ESCO1: variants seen among roughly 807,000 people sequenced by gnomAD.
ESCO1 encodes establishment of sister chromatid cohesion N-acetyltransferase 1, also known as N-acetyltransferase ESCO1.
In ESCO1, 33 loss-of-function variants were observed where a neutral mutation model predicts 83.5. The observed-to-expected ratio is 0.40, with a 90% CI of 0.30 to 0.53. The LOEUF is 0.53. ESCO1 is among the 20% of genes least tolerant of loss of function. ESCO1 has a pLI of 0.63. For synonymous variants in ESCO1, 332 were observed against 324.3 expected (o/e 1.02, Z -0.25); for missense variants, 855 against 968.0 (o/e 0.88, Z 1.55).
chr18:21,580,189 G>A lies in ESCO1; in HGVS notation c.-694+4121C>T, dbSNP rs190254483. 2.5e-4 allele frequency among the ~76,000 whole-genome samples: 38 copies of A among 152,036 alleles called. 1 individual carries two copies. The East Asian group carries it at 4.5e-3, about 18-fold the overall frequency. On this transcript the variant is annotated intron_variant, in intron 2 of 11. Coordinates refer to ENST00000269214, the MANE Select transcript of ESCO1 (RefSeq NM_052911.3). ...GCTGGGATTACAGGCATGAATCACC[G>A]CGCCCAGCCCCCAAAAATTTTTTTT...
At chr18:21,540,554 G>T in intron 8 of ESCO1, 1 of 1,301,964 alleles carries the variant, frequency 7.7e-7, no homozygotes, top group Non-Finnish European at 1.0e-6. Context: ...CCACAAGAAG[G>T]AGACTATAAA....
intron 5 of ESCO1, among the ~76,000 whole-genome samples, chr18:21,566,679 AG>A (rs1346145062): frequency 6.6e-6 from 1 of 151,978 alleles, no homozygotes; most frequent in African/African-American, 2.4e-5. Flanking sequence ...TGGCCAACAT[AG>A]GGAAACCCTG....
intron 2 of ESCO1, among the ~76,000 whole-genome samples, chr18:21,577,413 A>C (rs2038434334): frequency 6.7e-6 from 1 of 148,550 alleles, no homozygotes; most frequent in Non-Finnish European, 1.5e-5. Flanking sequence ...TAATCCCAGC[A>C]CTTTGGGAGG....
chr18:21,540,499 G>A, intron 8 of ESCO1: 2 of 1,109,470 alleles, frequency 1.8e-6, no homozygotes, highest in African/African-American at 1.7e-5. Flanking sequence ...CAGTAGCCCA[G>A]TATGAAAGGA....
chr18:21,549,084 G>A (rs756192972), intron 8 of ESCO1, among the ~76,000 whole-genome samples: 1 of 152,046 alleles, frequency 6.6e-6, no homozygotes, highest in Non-Finnish European at 1.5e-5. Context: ...CATAAGATAG[G>A]GTCCTAGAAG....
chr18:21,581,317 T>C (rs2038499283), intron 2 of ESCO1, among the ~76,000 whole-genome samples: 1 of 149,834 alleles, frequency 6.7e-6, no homozygotes, highest in Non-Finnish European at 1.5e-5. Flanking sequence ...CGAGAATCCA[T>C]CTCAAAAGAA....
intron 7 of ESCO1, among the ~76,000 whole-genome samples, chr18:21,562,987 T>C (rs1268006701): frequency 6.6e-6 from 1 of 151,760 alleles, no homozygotes; most frequent in African/African-American, 2.4e-5. Flanking sequence ...TTCTCCTGTT[T>C]TAGCCTCCCG....
At chr18:21,552,971 T>C (rs2038063528) in intron 8 of ESCO1, among the ~76,000 whole-genome samples, 1 of 152,166 alleles carries the variant, frequency 6.6e-6, no homozygotes, top group Admixed American at 6.5e-5. Context: ...TGGACTTCAT[T>C]AAAATTTAAA....
In ESCO1 at chr18:21,580,300, C is replaced by G. The variant is rs140129380; in HGVS notation, c.-694+4010G>C. Reference sequence around the variant, plus strand: ...ATCATAAGGATAAAAAGATGACTCTCAAACTTCTAGAGGGGGGAAAAATCC... The same window carrying G: ...ATCATAAGGATAAAAAGATGACTCTGAAACTTCTAGAGGGGGGAAAAATCC... On this transcript the variant is annotated intron_variant, in intron 2 of 11. Transcript: ENST00000269214. Among the ~76,000 whole-genome samples, 1,416 of 152,164 alleles carry G rather than the reference C, an allele frequency of 9.3e-3. 16 individuals are homozygous for G. Among genetic ancestry groups the G allele is most frequent in the African/African-American group, 0.031 (1,292 of 41,512 alleles).
At chr18:21,554,455 C>T (rs773136889) in intron 8 of ESCO1, among the ~76,000 whole-genome samples, 8 of 152,080 alleles carry the variant, frequency 5.3e-5, no homozygotes, top group Non-Finnish European at 1.0e-4. Context: ...TAAAAAGAAA[C>T]GGGCTTTCAA....
intron 5 of ESCO1, among the ~76,000 whole-genome samples, chr18:21,567,502 G>A (rs1478803176): frequency 6.6e-6 from 1 of 151,832 alleles, no homozygotes; most frequent in Non-Finnish European, 1.5e-5. Flanking sequence ...AGTTCACAAG[G>A]TTCCAAAACT....
Position 21,566,151 on chromosome 18 carries a change from A to G in ESCO1, c.1701T>C (p.Asp567=), listed in dbSNP as rs760134354. ...AAATTTAATTAATAGCTTACCTGTT[A>G]TCACTGCTTTTAGATGTCTGGTTAC... ...ILSNQTSKSS[D]NRETPRNHSL... Residue 567 remains aspartate, a synonymous_variant, in exon 6 of 12, where the codon GAT becomes GAC. Transcript: ENST00000269214. 28 of 1,612,548 alleles carry G rather than the reference A, an allele frequency of 1.7e-5. No homozygotes were observed. The East Asian group carries it at 5.8e-4, about 33-fold the overall frequency.
chr18:21,545,655 G>A (rs1425657035), intron 8 of ESCO1, among the ~76,000 whole-genome samples: 3 of 151,924 alleles, frequency 2.0e-5, no homozygotes, highest in Non-Finnish European at 2.9e-5. Context: ...GAGGCCGGGC[G>A]CAGTGGCTCA....
In ESCO1 at chr18:21,541,172, T is replaced by C. The variant is rs2037900706; in HGVS notation, c.1954-1163A>G. ...CATAATAGAGTACCCAAGTTAAAATTCAGATGATTAAAATTATGATTGGTA... is the reference window on the plus strand; with the variant it reads ...CATAATAGAGTACCCAAGTTAAAATCCAGATGATTAAAATTATGATTGGTA... On this transcript the variant is annotated intron_variant, in intron 8 of 11. Transcript: ENST00000269214. 2.6e-5 allele frequency among the ~76,000 whole-genome samples: 4 copies of C among 152,240 alleles called. No homozygotes were observed. The South Asian group carries it at 8.3e-4, about 32-fold the overall frequency.
Position 21,574,813 on chromosome 18 carries a change from T to C in ESCO1, c.31A>G (p.Asn11Asp), listed in dbSNP as rs371259126. The C allele has an allele frequency of 3.1e-6, 5 of 1,593,688 alleles. No homozygotes were observed. Among genetic ancestry groups the C allele is most frequent in the Non-Finnish European group, 4.2e-6 (5 of 1,178,052 alleles). ...CTTTTTTTAGTAACTTTGGAGGAAT[T>C]CTCTTTTGATTTCTCCTGAATGGAC... MMSIQEKSKE[N>D]SSKVTKKSDD... Residue 11 changes from asparagine (N) to aspartate (D), a missense_variant, in exon 4 of 12, where the codon AAT (asparagine) becomes GAT (aspartate). This residue lies in a region of ESCO1 where 726 missense variants were observed against 699.5 expected (regional missense o/e 1.04). Transcript: ENST00000269214.
At chr18:21,597,536 T>C (rs955903125) in intron 1 of ESCO1, among the ~76,000 whole-genome samples, 1 of 151,804 alleles carries the variant, frequency 6.6e-6, no homozygotes, top group African/African-American at 2.4e-5. Flanking sequence ...ATGTTATTTA[T>C]ATTAAGCTGT....
At chr18:21,578,416 AAAGT>A (rs1334958754) in intron 2 of ESCO1, among the ~76,000 whole-genome samples, 1 of 152,152 alleles carries the variant, frequency 6.6e-6, no homozygotes, top group Non-Finnish European at 1.5e-5. Flanking sequence ...GGGAGAAAAA[AAAGT>A]AAGAAAATTA....
chr18:21,564,441 AGTG>A (rs1489181276), intron 6 of ESCO1, 124 bp from the exon 7 acceptor site: 1 of 629,758 alleles, frequency 1.6e-6, no homozygotes, highest in Non-Finnish European at 2.6e-6. Context: ...CCCAGGCTGG[AGTG>A]CAGTGGCGCA....
chr18:21,580,764 C>G (rs1446561057), intron 2 of ESCO1, among the ~76,000 whole-genome samples: 1 of 152,052 alleles, frequency 6.6e-6, no homozygotes, highest in Admixed American at 6.6e-5. Flanking sequence ...CCAAGGCAGG[C>G]GGATCTCCTG....
Sources: gnomAD v4.1 joint callset for allele counts (sites outside exome capture counted in the v4.1 genomes callset) on GRCh38, gnomAD v4.1.1 for gene constraint, gnomAD v4.1.1 regional missense constraint, MANE v1.5 for transcripts, NCBI Gene and HGNC (gene_info 2026-07-23, HGNC 2026-07-21) for gene names.